Variants in TNS1 observed in about 807,000 individuals in gnomAD.
TNS1 encodes tensin 1, also known as tensin-1.
Under a neutral mutation model 168.6 loss-of-function variants are expected in TNS1, and 62 were observed. The ratio of observed to expected loss-of-function variants is 0.37; its 90% CI spans 0.30 to 0.45. TNS1 has a LOEUF of 0.45. Ranked by LOEUF, TNS1 falls within the 20% of genes least tolerant of loss-of-function variation. The pLI, the probability that TNS1 is intolerant of heterozygous loss-of-function variation, is 1.00. For synonymous variants in TNS1, 934 were observed against 933.2 expected, an observed-to-expected ratio of 1.00 and a Z score of -0.02; for missense variants, 2,240 against 2,339.4, an observed-to-expected ratio of 0.96 and a Z score of 0.88.
At chr2:217,963,712 A>T (rs781488537) in intron 3 of TNS1, among the ~76,000 whole-genome samples, 1 of 151,084 alleles carries the variant, frequency 6.6e-6, no homozygotes, top group East Asian at 1.9e-4. Context: ...GTATTAACTC[A>T]TCACGTGAGC....
At chr2:217,873,417 C>T (rs982555519) in intron 18 of TNS1, among the ~76,000 whole-genome samples, 11 of 152,272 alleles carry the variant, frequency 7.2e-5, no homozygotes, top group African/African-American at 2.6e-4. Flanking sequence ...AGAGACTCAG[C>T]AGGTACCTGC....
At chr2:217,851,894 A>G (rs1481202522) in intron 18 of TNS1, among the ~76,000 whole-genome samples, 6 of 152,220 alleles carry the variant, frequency 3.9e-5, no homozygotes, top group Non-Finnish European at 8.8e-5. Context: ...CTGTAATCCC[A>G]GCACTCTGGG....
intron 20 of TNS1, 41 bp downstream of exon 20, chr2:217,835,974 C>T: frequency 6.4e-7 from 1 of 1,552,756 alleles, no homozygotes. Flanking sequence ...AAGTGGGCAC[C>T]ACTACCCTCC....
At chr2:217,860,209 C>A (rs1326048917) in intron 18 of TNS1, among the ~76,000 whole-genome samples, 3 of 152,194 alleles carry the variant, frequency 2.0e-5, no homozygotes, top group Non-Finnish European at 4.4e-5. Flanking sequence ...GACACCTGAG[C>A]CCTCAGCCCC....
Position 217,848,554 on chromosome 2 carries a change from C to T in TNS1, c.1963G>A (p.Glu655Lys), listed in dbSNP as rs1947017254. ...GACAGGGCCTCTGGGTAGCCCCCCTCACTGGTGTTGGTGACCCCGTCCAGA... is the reference window on the plus strand; with the variant it reads ...GACAGGGCCTCTGGGTAGCCCCCCTTACTGGTGTTGGTGACCCCGTCCAGA... ...SSLDGVTNTS[E>K]GGYPEALSPL... is the part of the protein sequence containing the mutation. Residue 655 changes from glutamate (E) to lysine (K), a missense_variant, in exon 19 of 33, where the codon GAG becomes AAG. Physicochemically the swap from Glu to Lys is moderately conservative, Grantham distance 56. Transcript: ENST00000682258. The T allele has an allele frequency of 6.2e-7, 1 of 1,614,114 alleles. No individual in the cohort carries two copies. The highest frequency in any genetic ancestry group is 1.7e-5 in the Admixed American group (1 of 60,022).
At chr2:217,855,091 C>T (rs907438800) in intron 18 of TNS1, among the ~76,000 whole-genome samples, 5 of 152,164 alleles carry the variant, frequency 3.3e-5, no homozygotes, top group African/African-American at 1.2e-4. Flanking sequence ...CTCTCTCCAT[C>T]CCCTGCTTTA....
At chr2:217,936,765 CCCACACATG>C (rs1435922775) in intron 3 of TNS1, among the ~76,000 whole-genome samples, 8 of 152,158 alleles carry the variant, frequency 5.3e-5, no homozygotes, top group Non-Finnish European at 1.2e-4. Flanking sequence ...GCCATCCTTT[CCCACACATG>C]CCATTTTAAG....
At chr2:217,903,517 T>C in intron 6 of TNS1, 2 of 1,477,604 alleles carry the variant, frequency 1.4e-6, no homozygotes, top group Non-Finnish European at 1.8e-6. Flanking sequence ...TTTGAACTTC[T>C]TCCTGGCTCC....
upstream of TNS1, among the ~76,000 whole-genome samples, chr2:218,014,025 G>A (rs528795843): frequency 6.6e-5 from 10 of 152,322 alleles, 1 homozygote; most frequent in South Asian, 8.3e-4. Context: ...CAGGTGTTGG[G>A]GAAACAAGAG....
At chr2:217,924,153 G>C (rs778174505) in intron 3 of TNS1, among the ~76,000 whole-genome samples, 5 of 152,196 alleles carry the variant, frequency 3.3e-5, no homozygotes, top group Non-Finnish European at 5.9e-5. Context: ...ACCTAGTTCT[G>C]TTCTTCCTTG....
chr2:217,858,671 TACAC>T (rs60953913), intron 18 of TNS1: 89 of 149,282 alleles, frequency 6.0e-4, no homozygotes, highest in East Asian at 2.1e-3. Flanking sequence ...CCTGCCCATG[TACAC>T]ACACACACAC....
chr2:217,886,250 G>A (rs1559301244), intron 13 of TNS1, 146 bp from the exon 14 acceptor site: 1 of 848,862 alleles, frequency 1.2e-6, no homozygotes, highest in East Asian at 2.6e-5. Flanking sequence ...AGAGGAAAGA[G>A]TAAAAGAGGA....
intron 19 of TNS1, among the ~76,000 whole-genome samples, chr2:217,846,942 G>A (rs1946729621): frequency 6.6e-6 from 1 of 152,242 alleles, no homozygotes; most frequent in South Asian, 2.1e-4. Context: ...AGGGCTTGAG[G>A]ATACCCTCTC....
intron 7 of TNS1, 109 bp from the exon 8 acceptor site, chr2:217,898,078 AGGGT>A: frequency 1.5e-6 from 2 of 1,297,508 alleles, no homozygotes; most frequent in Non-Finnish European, 2.0e-6. Context: ...TATGCAGCCC[AGGGT>A]GCTTGGCTGC....
intron 17 of TNS1, chr2:217,881,820 C>T (rs545670620): frequency 2.0e-5 from 3 of 152,474 alleles, no homozygotes; most frequent in South Asian, 2.1e-4. Flanking sequence ...ACCTTCCTGG[C>T]TTGGCAGTCC....
intron 1 of TNS1, among the ~76,000 whole-genome samples, chr2:218,026,704 C>T (rs1167756157): frequency 2.6e-5 from 4 of 152,358 alleles, no homozygotes; most frequent in African/African-American, 7.2e-5. Flanking sequence ...CAGGAGGCTG[C>T]GCCACAGGTG....
chr2:217,890,749 G>C (rs1951662257), intron 12 of TNS1: 1 of 600,666 alleles, frequency 1.7e-6, no homozygotes, highest in African/African-American at 1.9e-5. Flanking sequence ...AGAGTCAAGT[G>C]CTGTGCCAAT....
At chr2:217,901,038 G>A (rs1952913306) in intron 6 of TNS1, among the ~76,000 whole-genome samples, 2 of 152,050 alleles carry the variant, frequency 1.3e-5, no homozygotes, top group Non-Finnish European at 2.9e-5. Flanking sequence ...GAACCAAGAC[G>A]AGGCCTAAGA....
intron 3 of TNS1, among the ~76,000 whole-genome samples, chr2:217,940,425 G>A (rs1176799912): frequency 2.0e-5 from 3 of 152,148 alleles, no homozygotes; most frequent in East Asian, 1.9e-4. Context: ...ACTGGCAGCC[G>A]AGAGCCTTTG....
Sources: allele counts gnomAD v4.1 joint callset (sites outside exome capture counted in the v4.1 genomes callset), GRCh38; gene constraint gnomAD v4.1.1; transcripts MANE v1.5; gene names NCBI Gene and HGNC (gene_info 2026-07-23, HGNC 2026-07-21).